MYO1H: variants seen among roughly 807,000 people sequenced by gnomAD.
The protein encoded by MYO1H is unconventional myosin-Ih.
In MYO1H, 118 loss-of-function variants were observed where a neutral mutation model predicts 149.3. The observed-to-expected ratio is 0.79, with a 90% CI of 0.68 to 0.92. MYO1H has a LOEUF of 0.92. MYO1H is among the 40% of genes least tolerant of loss of function. The probability of loss-of-function intolerance (pLI) is 0.00; values close to 1 mark genes in which losing one functional copy is unlikely to be tolerated. For synonymous variants in MYO1H, 447 were observed against 465.2 expected, an observed-to-expected ratio of 0.96 and a Z score of 0.50; for missense variants, 1,212 against 1,280.7, an observed-to-expected ratio of 0.95 and a Z score of 0.82.
At chr12:109,319,234 T>G in the MYO1H span, among the ~76,000 whole-genome samples, 7 of 152,140 alleles carry the variant, frequency 4.6e-5, no homozygotes, top group Non-Finnish European at 8.8e-5. Context: ...CTCCATGCAA[T>G]GGAATATTCA....
At chr12:109,371,851 G>A (rs899564509) in intron 1 of MYO1H, among the ~76,000 whole-genome samples, 2 of 152,128 alleles carry the variant, frequency 1.3e-5, no homozygotes, top group African/African-American at 4.8e-5. Context: ...CTATCAGAGT[G>A]CCAAAAATGA....
At chr12:109,387,859 A>AG (rs1430750810) in intron 1 of MYO1H, among the ~76,000 whole-genome samples, 9 of 152,208 alleles carry the variant, frequency 5.9e-5, no homozygotes, top group African/African-American at 1.9e-4. Flanking sequence ...GAGCCCTGGA[A>AG]GGTTGATTTC....
the MYO1H span, among the ~76,000 whole-genome samples, chr12:109,320,871 C>T: frequency 1.3e-5 from 2 of 151,882 alleles, no homozygotes; most frequent in East Asian, 1.9e-4. Flanking sequence ...GGGTGGATCA[C>T]GAGGTCAAGA....
intron 26 of MYO1H, 114 bp downstream of exon 26, chr12:109,441,822 G>A (rs571587122): frequency 5.0e-5 from 34 of 674,768 alleles, no homozygotes; most frequent in East Asian, 1.5e-4. Flanking sequence ...CGAGGTGGGC[G>A]GATTGCCTGA....
chr12:109,356,758 A>T (rs1230013983), intron 1 of MYO1H, among the ~76,000 whole-genome samples: 3 of 152,180 alleles, frequency 2.0e-5, no homozygotes. Flanking sequence ...GCTGATATTC[A>T]TAATTATACG....
intron 16 of MYO1H, among the ~76,000 whole-genome samples, 197 bp downstream of exon 16, chr12:109,421,224 G>A (rs2135573174): frequency 9.2e-6 from 1 of 109,100 alleles, no homozygotes; most frequent in African/African-American, 4.2e-5. Flanking sequence ...AAATGTGTAT[G>A]ATGCCCCCTG....
chr12:109,347,364 T>C (rs1478605258), upstream of MYO1H, among the ~76,000 whole-genome samples: 1 of 152,204 alleles, frequency 6.6e-6, no homozygotes, highest in African/African-American at 2.4e-5. Context: ...TGATTTTTTA[T>C]GAGATGATAG....
At chr12:109,442,094 A>G (rs1167360689) in intron 26 of MYO1H, 123 bp from the exon 27 acceptor site, 7 of 787,388 alleles carry the variant, frequency 8.9e-6, no homozygotes, top group Non-Finnish European at 1.1e-5. Context: ...GCATTTCCTG[A>G]TGGCTATTTC....
chr12:109,388,695 A>T (rs753611311), exon 2 of MYO1H: 1 of 1,576,846 alleles, frequency 6.3e-7, no homozygotes, highest in African/African-American at 1.4e-5. Context: ...AGAAGACGTG[A>T]GGAGGAAACA....
At chr12:109,397,841 TG>T in intron 5 of MYO1H, 29 bp downstream of exon 5, 2 of 1,540,436 alleles carry the variant, frequency 1.3e-6, no homozygotes, top group Non-Finnish European at 1.8e-6. Context: ...TACTGGTTCA[TG>T]GGGACCCCTT....
At chr12:109,333,823 G>T in the MYO1H span, among the ~76,000 whole-genome samples, 1 of 152,130 alleles carries the variant, frequency 6.6e-6, no homozygotes, top group Non-Finnish European at 1.5e-5. Flanking sequence ...GTTATGATGG[G>T]TTTATCAGGA....
the MYO1H span, among the ~76,000 whole-genome samples, chr12:109,314,213 CTT>C: frequency 4.5e-5 from 6 of 132,100 alleles, no homozygotes; most frequent in Admixed American, 7.6e-5. Context: ...TTTTCTTTGT[CTT>C]TTTTTTTTTT....
rs370828266 is a variant in MYO1H, at chr12:109,443,048, A to G, written c.2689-466A>G. Among the ~76,000 whole-genome samples, 187 of 62,326 alleles carry G rather than the reference A, an allele frequency of 3.0e-3. 7 individuals are homozygous for G. Among genetic ancestry groups the G allele is most frequent in the African/African-American group, 3.9e-3 (51 of 13,112 alleles). The allele number at this position is 62,326 out of a possible 152,430, so 40.9% of individuals were successfully genotyped here. A position where few individuals can be genotyped will look rare whatever the true frequency, so the allele number is the denominator to read the frequency against. On this transcript the variant is annotated intron_variant, in intron 27 of 31. Transcript: ENST00000310903. ...TATATATGTGTGTGTGTGTGTGTGTATATATGTGTACGTATGTGTGTATAT... is the reference window on the plus strand; with the variant it reads ...TATATATGTGTGTGTGTGTGTGTGTGTATATGTGTACGTATGTGTGTATAT...
intron 8 of MYO1H, among the ~76,000 whole-genome samples, chr12:109,406,462 T>C (rs1194769678): frequency 5.3e-5 from 4 of 75,180 alleles, no homozygotes; most frequent in Admixed American, 2.4e-4. Context: ...TGAGACCCTA[T>C]CTCTTAAAAA....
At chr12:109,323,022 G>A in the MYO1H span, among the ~76,000 whole-genome samples, 5 of 151,954 alleles carry the variant, frequency 3.3e-5, no homozygotes, top group South Asian at 2.1e-4. Flanking sequence ...CAGGAGAATC[G>A]CTTGAACCTG....
In MYO1H at chr12:109,371,118, C is replaced by T. The variant is rs193168853; in HGVS notation, c.13-17565C>T. 7.8e-3 allele frequency among the ~76,000 whole-genome samples: 1,192 copies of T among 151,950 alleles called. 7 individuals are homozygous for T. Among genetic ancestry groups the T allele is most frequent in the Non-Finnish European group, 0.012 (839 of 67,976 alleles). On this transcript the variant is annotated intron_variant, in intron 1 of 31. Coordinates refer to ENST00000310903, the Ensembl canonical transcript of MYO1H. ...AAGCCTTCTTTTCCAGAAGCAACTA[C>T]GGTTTTCAATTCCTTGGGCATGCTT... is the stretch of plus-strand genomic sequence containing the variant.
the MYO1H span, among the ~76,000 whole-genome samples, chr12:109,342,544 T>G: frequency 6.9e-6 from 1 of 145,528 alleles, no homozygotes; most frequent in Non-Finnish European, 1.5e-5. Flanking sequence ...CAGGAGACTT[T>G]TTTTTTTTTT....
At chr12:109,419,895 G>A (rs1437256497) in intron 15 of MYO1H, among the ~76,000 whole-genome samples, 3 of 151,162 alleles carry the variant, frequency 2.0e-5, no homozygotes, top group African/African-American at 4.9e-5. Flanking sequence ...AAAAAATCTG[G>A]TTTTGCCTTT....
intron 16 of MYO1H, 82 bp downstream of exon 16, chr12:109,421,109 CT>C (rs1187212625): frequency 9.9e-7 from 1 of 1,014,090 alleles, no homozygotes; most frequent in East Asian, 2.5e-5. Flanking sequence ...AATTCGCCTT[CT>C]GGATTTTTTT....
Sources: gnomAD v4.1 joint callset for allele counts (sites outside exome capture counted in the v4.1 genomes callset) on GRCh38, gnomAD v4.1.1 for gene constraint, MANE v1.5 for transcripts, NCBI Gene and HGNC (gene_info 2026-07-23, HGNC 2026-07-21) for gene names.